Variants in PPP1R13B observed in about 807,000 individuals in gnomAD.
The protein encoded by PPP1R13B is apoptosis-stimulating of p53 protein 1.
In PPP1R13B, 44 loss-of-function variants were observed where a neutral mutation model predicts 119.8. The ratio of observed to expected loss-of-function variants is 0.37; its 90% CI spans 0.29 to 0.47. PPP1R13B has a LOEUF of 0.47. PPP1R13B is among the 20% of genes least tolerant of loss of function. The pLI is 0.99. For missense variants in PPP1R13B, 1,227 were observed against 1,413.5 expected (o/e 0.87, Z 2.12); for synonymous variants, 542 against 561.5 (o/e 0.97, Z 0.49).
In PPP1R13B at chr14:103,746,358, G is replaced by A. The variant is rs2084385932; in HGVS notation, c.1150+15C>T. 6.4e-7 allele frequency: 1 copy of A among 1,560,382 alleles called. No homozygotes were observed. The highest frequency in any genetic ancestry group is 1.4e-5 in the African/African-American group (1 of 72,198). ...TCACAAACTCTCCCCCAGGAAGAGG[G>A]CCAGGACCACTCACCGGATTTGGAT... On this transcript the variant is annotated intron_variant, in intron 9 of 16. Coordinates refer to ENST00000202556, the MANE Select transcript of PPP1R13B (RefSeq NM_015316.3).
At chr14:103,839,126 C>T (rs76657866) in intron 1 of PPP1R13B, among the ~76,000 whole-genome samples, 1 of 152,142 alleles carries the variant, frequency 6.6e-6, no homozygotes, top group Admixed American at 6.5e-5. Flanking sequence ...GATTCTCCTG[C>T]CTCAGCCTCC....
At chr14:103,741,430 T>C (rs1490139158) in intron 11 of PPP1R13B, among the ~76,000 whole-genome samples, 1 of 152,174 alleles carries the variant, frequency 6.6e-6, no homozygotes, top group Non-Finnish European at 1.5e-5. Context: ...GGAGGGCCAG[T>C]GGTCAAGGCC....
At position 103,744,720 on chromosome 14, in the gene PPP1R13B, T is replaced by A. The variant is rs543264594; in HGVS notation, c.1150+1653A>T. Among the ~76,000 whole-genome samples, 39 of 152,288 alleles carry A rather than the reference T, an allele frequency of 2.6e-4. No homozygotes were observed. In the South Asian group the frequency reaches 8.1e-3, roughly 32 times the overall value. On this transcript the variant is annotated intron_variant, in intron 9 of 16. Transcript: ENST00000202556. Reference sequence around the variant, plus strand: ...ACTCTGGGTTTACTGTGGCCATCTGTGTGACACAGAACCAGGACAGCCAAC... The same window carrying A: ...ACTCTGGGTTTACTGTGGCCATCTGAGTGACACAGAACCAGGACAGCCAAC...
chr14:103,819,508 C>CA lies in PPP1R13B; in HGVS notation c.10-21991dup, dbSNP rs1388399434. Among the ~76,000 whole-genome samples, 13 of 144,522 alleles carry CA rather than the reference C, an allele frequency of 9.0e-5. 1 individual carries two copies. Among genetic ancestry groups the CA allele is most frequent in the African/African-American group, 2.9e-4 (11 of 37,962 alleles). The allele number at this position is 144,522 out of a possible 152,430, so 94.8% of individuals were successfully genotyped here. A position where few individuals can be genotyped will look rare whatever the true frequency, so the allele number is the denominator to read the frequency against. ...TGAGAAATCTGTCTATTAAAAAAAA[C>CA]AAACAAACAAAAAAAAACAACAACA... On this transcript the variant is annotated intron_variant, in intron 1 of 16. Coordinates refer to ENST00000202556, the MANE Select transcript of PPP1R13B (RefSeq NM_015316.3).
intron 1 of PPP1R13B, among the ~76,000 whole-genome samples, chr14:103,801,616 A>G (rs913245296): frequency 5.3e-5 from 8 of 152,260 alleles, no homozygotes; most frequent in Non-Finnish European, 1.0e-4. Context: ...GGCTCTTCAC[A>G]CAGATCTCTA....
intron 1 of PPP1R13B, among the ~76,000 whole-genome samples, chr14:103,808,876 T>TC (rs2086081485): frequency 6.6e-6 from 1 of 152,068 alleles, no homozygotes; most frequent in Non-Finnish European, 1.5e-5. Context: ...TTTTAATGTT[T>TC]CTTTTTTTTA....
At chr14:103,762,716 C>T (rs376989367) in intron 4 of PPP1R13B, 9 of 633,150 alleles carry the variant, frequency 1.4e-5, no homozygotes, top group East Asian at 2.9e-5. Context: ...CCCTGGGTGT[C>T]GGCGGTGGCC....
chr14:103,845,482 A>C (rs2087008082), intron 1 of PPP1R13B, among the ~76,000 whole-genome samples: 1 of 152,162 alleles, frequency 6.6e-6, no homozygotes, highest in South Asian at 2.1e-4. Flanking sequence ...TTTTTAAAAA[A>C]CAGTATTTTA....
chr14:103,744,216 C>T (rs2084331960), intron 9 of PPP1R13B, among the ~76,000 whole-genome samples: 1 of 152,164 alleles, frequency 6.6e-6, no homozygotes, highest in South Asian at 2.1e-4. Context: ...CAATTTTCTC[C>T]TTTCTTCAGA....
At chr14:103,739,304 CTG>C (rs1193556070) in intron 12 of PPP1R13B, 4 of 420,956 alleles carry the variant, frequency 9.5e-6, no homozygotes, top group African/African-American at 2.0e-5. Flanking sequence ...TCGGAAGACT[CTG>C]TGGGAGGGAG....
intron 5 of PPP1R13B, among the ~76,000 whole-genome samples, chr14:103,756,922 G>A (rs896324030): frequency 6.8e-5 from 8 of 118,174 alleles, no homozygotes; most frequent in African/African-American, 2.9e-4. Context: ...CCAAGCCTGG[G>A]TAATTTTTTT....
At chr14:103,775,912 T>G (rs1406259422) in intron 4 of PPP1R13B, among the ~76,000 whole-genome samples, 1 of 151,878 alleles carries the variant, frequency 6.6e-6, no homozygotes. Context: ...TCTCCCTGAG[T>G]GGCAGAAGGA....
intron 8 of PPP1R13B, among the ~76,000 whole-genome samples, chr14:103,748,877 G>T (rs770431425): frequency 2.0e-5 from 3 of 152,180 alleles, no homozygotes; most frequent in Non-Finnish European, 4.4e-5. Context: ...AAAGACACCC[G>T]TGCTGCAGTT....
intron 14 of PPP1R13B, 79 bp from the exon 15 acceptor site, chr14:103,737,939 A>T: frequency 6.9e-7 from 1 of 1,454,858 alleles, no homozygotes; most frequent in South Asian, 1.4e-5. Flanking sequence ...TTTCCCTCTA[A>T]GGAATCTCGC....
intron 1 of PPP1R13B, among the ~76,000 whole-genome samples, chr14:103,843,313 G>A (rs931538076): frequency 1.3e-5 from 2 of 152,092 alleles, no homozygotes; most frequent in Admixed American, 6.6e-5. Flanking sequence ...GGCAGAGGTT[G>A]CAGTGAGCTG....
At chr14:103,796,746 C>T (rs2085767737) in intron 2 of PPP1R13B, among the ~76,000 whole-genome samples, 1 of 152,042 alleles carries the variant, frequency 6.6e-6, no homozygotes. Context: ...TGCCTGAGCT[C>T]AGGAGTTCAA....
intron 7 of PPP1R13B, among the ~76,000 whole-genome samples, chr14:103,750,669 A>G (rs974545856): frequency 2.0e-5 from 3 of 151,996 alleles, no homozygotes; most frequent in Admixed American, 6.6e-5. Context: ...TGTCTCTACT[A>G]AAAATACAAA....
chr14:103,772,130 A>T (rs535230739), intron 4 of PPP1R13B, among the ~76,000 whole-genome samples: 2 of 152,156 alleles, frequency 1.3e-5, no homozygotes, highest in South Asian at 4.1e-4. Flanking sequence ...TTTCAGCACA[A>T]TGATTTTGAG....
intron 4 of PPP1R13B, among the ~76,000 whole-genome samples, chr14:103,776,992 C>A (rs1378606851): frequency 6.6e-6 from 1 of 151,946 alleles, no homozygotes; most frequent in Non-Finnish European, 1.5e-5. Flanking sequence ...CAACATACAC[C>A]AACATTTCGG....
Sources: allele counts gnomAD v4.1 joint callset (sites outside exome capture counted in the v4.1 genomes callset), GRCh38; gene constraint gnomAD v4.1.1; transcripts MANE v1.5; gene names NCBI Gene and HGNC (gene_info 2026-07-23, HGNC 2026-07-21).